The following LGALS4 variants were observed in gnomAD, a reference collection of about 807,000 sequenced individuals.
LGALS4 encodes the protein galectin-4.
Under a neutral mutation model 39.6 loss-of-function variants are expected in LGALS4, and 37 were observed. The ratio of observed to expected loss-of-function variants is 0.93; its 90% CI spans 0.72 to 1.23. LGALS4 has a LOEUF of 1.23. Ranked by LOEUF, LGALS4 falls within the 50% of genes most tolerant of loss-of-function variation. The probability of loss-of-function intolerance (pLI) is 0.00; values close to 1 mark genes in which losing one functional copy is unlikely to be tolerated. For missense variants in LGALS4, 397 were observed against 433.2 expected (o/e 0.92, Z 0.74); for synonymous variants, 160 against 165.5 (o/e 0.97, Z 0.25).
At chr19:38,803,585 A>G (rs765107048) in intron 6 of LGALS4, 34 bp from the exon 7 acceptor site, 1 of 1,612,306 alleles carries the variant, frequency 6.2e-7, no homozygotes, top group Non-Finnish European at 8.5e-7. Flanking sequence ...ATTATTCTCC[A>G]AGAGTCGACA....
intron 4 of LGALS4, among the ~76,000 whole-genome samples, chr19:38,806,106 G>A (rs540771789): frequency 6.6e-6 from 1 of 151,942 alleles, no homozygotes; most frequent in Admixed American, 6.6e-5. Flanking sequence ...GGTGGCTCAC[G>A]CCTGTAATCC....
At chr19:38,812,009 A>G (rs1403559608) in intron 2 of LGALS4, among the ~76,000 whole-genome samples, 2 of 137,964 alleles carry the variant, frequency 1.4e-5, no homozygotes, top group African/African-American at 6.3e-5. Context: ...GCAAAACTCC[A>G]TCTCAAAACA....
Position 38,808,925 on chromosome 19 carries a change from C to G in LGALS4, c.158G>C (p.Gly53Ala). The G allele has an allele frequency of 6.2e-7, 1 of 1,613,016 alleles. No individual in the cohort carries two copies. The highest frequency in any genetic ancestry group is 8.5e-7 in the Non-Finnish European group (1 of 1,179,492). ...MKRFFVNFVVGQDPGSDVAFH... is the reference protein window; with the variant it reads ...MKRFFVNFVVAQDPGSDVAFH... Reference sequence around the variant, plus strand: ...GGCGACGTCTGAGCCCGGATCCTGCCCAACCACAAAGTTCACGAAGAACCT... The same window carrying G: ...GGCGACGTCTGAGCCCGGATCCTGCGCAACCACAAAGTTCACGAAGAACCT... The change falls in exon 3 of 10, where the codon GGG becomes GCG. Residue 53 changes from glycine (G) to alanine (A), a missense_variant. Coordinates refer to ENST00000307751, the MANE Select transcript of LGALS4 (RefSeq NM_006149.4).
At chr19:38,806,138 T>C (rs1971418792) in intron 4 of LGALS4, among the ~76,000 whole-genome samples, 1 of 150,110 alleles carries the variant, frequency 6.7e-6, no homozygotes, top group African/African-American at 2.5e-5. Context: ...GAAGTCGAGG[T>C]GGGTGGATCA....
rs144418886 is a variant in LGALS4 at position 38,802,099 on chromosome 19, G to T, written c.718C>A (p.Arg240Ser). The change falls in exon 9 of 10, where the codon CGC (arginine) becomes AGC (serine). Residue 240 changes from arginine (R) to serine (S), a missense_variant. Coordinates refer to ENST00000307751, the MANE Select transcript of LGALS4 (RefSeq NM_006149.4). ...CGGACCACGGTACCGTTGCCCATGC[G>T]GGGATTAATGTGCAGAGCTATGTCC... The part of the protein sequence containing the change: ...SGDIALHINP[R>S]MGNGTVVRNS... 1.9e-6 allele frequency: 3 copies of T among 1,614,156 alleles called. No homozygotes were observed. The Admixed American group carries it at 5.0e-5, about 27-fold the overall frequency.
intron 3 of LGALS4, 81 bp from the exon 4 acceptor site, chr19:38,806,676 C>G (rs1170805831): frequency 2.0e-6 from 3 of 1,471,740 alleles, no homozygotes; most frequent in East Asian, 4.7e-5. Context: ...GCAGGGCACC[C>G]TGGCTCACGC....
chr19:38,802,407 G>A lies in LGALS4; in HGVS notation c.571-3C>T. 1 of 1,613,420 alleles carries A rather than the reference G, an allele frequency of 6.2e-7. No homozygotes were observed. The highest frequency in any genetic ancestry group is 8.5e-7 in the Non-Finnish European group (1 of 1,179,292). ...AGCCTCCCGAAATATGGCACAGGCT[G>A]TGGGAAGAGAACGGGGGGTCCCATT... On this transcript the variant is annotated splice_polypyrimidine_tract_variant and splice_region_variant and intron_variant, in intron 7 of 9. Transcript: ENST00000307751.
chr19:38,802,340 C>G lies in LGALS4; in HGVS notation c.635G>C (p.Gly212Ala). ...CCTCTTGCCTGTGGGAGGCACATAG[C>G]CCTTGATGATGATGGTTCTTCGAGC... ...LTARRTIIIK[G>A]YVPPTGKSFA... Residue 212 changes from glycine (G) to alanine (A), a missense_variant, in exon 8 of 10, where the codon GGC becomes GCC. Coordinates refer to ENST00000307751, the MANE Select transcript of LGALS4 (RefSeq NM_006149.4). 6.2e-7 allele frequency: 1 copy of G among 1,614,160 alleles called. No homozygotes were observed. The highest frequency in any genetic ancestry group is 8.5e-7 in the Non-Finnish European group (1 of 1,180,010).
rs138412005 is a variant in LGALS4, at chr19:38,802,026, G to T, written c.791C>A (p.Thr264Asn). The change falls in exon 9 of 10, where the codon ACC becomes AAC. Residue 264 changes from threonine to asparagine, a missense_variant. Coordinates refer to ENST00000307751, the MANE Select transcript of LGALS4 (RefSeq NM_006149.4). ...CTGTCCGGGACCAAATGGGTTGTGG[G>T]TGATCTTCTTCTCCTCGGATCCCCA... The part of the protein sequence containing the change: ...GSWGSEEKKI[T>N]HNPFGPGQFF... The T allele has an allele frequency of 6.3e-5, 101 of 1,614,242 alleles. 1 individual carries two copies. The African/African-American group carries it at 1.3e-3, about 20-fold the overall frequency.
At chr19:38,812,717 G>T in intron 1 of LGALS4, 125 bp downstream of exon 1, 1 of 1,111,098 alleles carries the variant, frequency 9.0e-7, no homozygotes, top group Non-Finnish European at 1.3e-6. Flanking sequence ...CGAGGGTCGG[G>T]GTCAGCTTTG....
chr19:38,809,180 T>C (rs1172347181), intron 2 of LGALS4, among the ~76,000 whole-genome samples: 2 of 136,898 alleles, frequency 1.5e-5, no homozygotes, highest in Non-Finnish European at 3.0e-5. Context: ...CTTCTTTTTT[T>C]TTTTTTTTTT....
intron 7 of LGALS4, 76 bp from the exon 8 acceptor site, chr19:38,802,480 T>G: frequency 9.0e-7 from 1 of 1,114,418 alleles, no homozygotes; most frequent in Non-Finnish European, 1.4e-6. Flanking sequence ...TTTCTTTTTC[T>G]TTTCTTTTCT....
chr19:38,810,045 T>G (rs60379211), intron 2 of LGALS4, among the ~76,000 whole-genome samples: 29,695 of 152,196 alleles, frequency 0.2, 3,136 homozygotes, highest in South Asian at 0.28. Context: ...GCCTTTGCAC[T>G]GGCTGTTCCC....
chr19:38,803,623 C>T (rs182156386), intron 6 of LGALS4, 72 bp from the exon 7 acceptor site: 37 of 1,596,490 alleles, frequency 2.3e-5, no homozygotes, highest in East Asian at 1.8e-4. Context: ...CATTAGACTC[C>T]GGCGTTTCTC....
At position 38,808,760 on chromosome 19, in the gene LGALS4, A is replaced by G; in HGVS notation, c.323T>C (p.Leu108Pro). The G allele has an allele frequency of 1.2e-6, 2 of 1,614,178 alleles. No individual in the cohort carries two copies. Among genetic ancestry groups the G allele is most frequent in the Non-Finnish European group, 1.7e-6 (2 of 1,180,012 alleles). ...GAAFELVFIV[L>P]AEHYKVVVNG... ...CATGCAGACCTTGTAGTGCTCAGCC[A>G]GGACTATGAAGACCAGCTCAAAGGC... The change falls in exon 3 of 10, where the codon CTG becomes CCG. Residue 108 changes from leucine to proline, a missense_variant. Transcript: ENST00000307751.
At chr19:38,802,278 G>A in intron 8 of LGALS4, 38 bp downstream of exon 8, 3 of 1,602,014 alleles carry the variant, frequency 1.9e-6, no homozygotes, top group Middle Eastern at 1.7e-4. Flanking sequence ...GTCTGAGGGA[G>A]GAGGGGGCTG....
In LGALS4 at chr19:38,806,486, A is replaced by G; in HGVS notation, c.449T>C (p.Ile150Thr). The G allele has an allele frequency of 1.2e-6, 2 of 1,614,208 alleles. No homozygotes were observed. Among genetic ancestry groups the G allele is most frequent in the Non-Finnish European group, 1.7e-6 (2 of 1,180,036 alleles). Residue 150 changes from isoleucine to threonine, a missense_variant, in exon 4 of 10, where the codon ATC (isoleucine) becomes ACC (threonine). Physicochemically the swap from Ile to Thr is moderately conservative, Grantham distance 89 (BLOSUM62 -1). Transcript: ENST00000307751. ...CTGGGGCCGGAGGGGCTGGCCTCCG[A>G]TGAAGTTGATTGATTGAAGTTGCAG... ...GDLQLQSINF[I>T]GGQPLRPQGP...
intron 3 of LGALS4, among the ~76,000 whole-genome samples, chr19:38,807,836 C>T (rs1465233749): frequency 1.3e-5 from 2 of 152,138 alleles, no homozygotes; most frequent in East Asian, 3.8e-4. Context: ...CCTGTGTTCC[C>T]TGAGACATGT....
chr19:38,804,687 G>A (rs1419671252), intron 4 of LGALS4, among the ~76,000 whole-genome samples: 5 of 151,980 alleles, frequency 3.3e-5, no homozygotes, highest in South Asian at 2.1e-4. Context: ...ATAGCCGGGC[G>A]TGGTGGCAGG....
Sources: gnomAD v4.1 joint callset for allele counts (sites outside exome capture counted in the v4.1 genomes callset) on GRCh38, gnomAD v4.1.1 for gene constraint, MANE v1.5 for transcripts, NCBI Gene and HGNC (gene_info 2026-07-23, HGNC 2026-07-21) for gene names.